Variants in IP6K3 observed in about 807,000 individuals in gnomAD.
IP6K3 encodes the protein ATP:1D-myo-inositol-hexakisphosphate phosphotransferase.
IP6K3 carries 20 observed loss-of-function variants against 28.8 expected under a neutral mutation model. The observed-to-expected ratio is 0.70, with a 90% CI of 0.49 to 1.01. IP6K3 has a LOEUF of 1.01. IP6K3 is among the 50% of genes least tolerant of loss of function. IP6K3 has a pLI of 0.00. For missense variants in IP6K3, 480 were observed against 537.1 expected (o/e 0.89, Z 1.05); for synonymous variants, 213 against 221.3 (o/e 0.96, Z 0.33).
intron 1 of IP6K3, among the ~76,000 whole-genome samples, chr6:33,738,568 C>T (rs1029285793): frequency 6.6e-6 from 1 of 152,148 alleles, no homozygotes; most frequent in African/African-American, 2.4e-5. Context: ...TGAGGCAATT[C>T]GTGTTACCAG....
At chr6:33,751,522 GGCCCCGGGAA>G (rs1767022812), upstream of IP6K3, among the ~76,000 whole-genome samples, 2 of 143,498 alleles carry the variant, frequency 1.4e-5, no homozygotes, top group Non-Finnish European at 3.1e-5. The surrounding 1 kb of genome is among the most constrained non-coding windows in gnomAD (Gnocchi z 4.3). Context: ...GTGTGTGTTT[GGCCCCGGGAA>G]TGGGAGGTGT....
At chr6:33,761,296 G>C in the IP6K3 span, among the ~76,000 whole-genome samples, 3 of 152,068 alleles carry the variant, frequency 2.0e-5, no homozygotes, top group Admixed American at 2.0e-4. Context: ...TGCCCTCTCT[G>C]CTGAGCCTTC....
At position 33,726,732 on chromosome 6, in the gene IP6K3, A is replaced by G. The variant is rs1766127108; in HGVS notation, c.588T>C (p.His196=). 3 of 1,580,902 alleles carry G rather than the reference A, an allele frequency of 1.9e-6. No individual in the cohort carries two copies. The East Asian group carries it at 6.8e-5, about 36-fold the overall frequency. ...LCSEYPENKR[H]RFLLLENVVS... is the part of the protein sequence containing the mutation. ...ATGTGAGGGGGATGGCAAGGATACG[A>G]TGCCGCTTGTTCTCTGGGTACTCGG... Residue 196 remains histidine, a splice_region_variant and synonymous_variant, in exon 4 of 6, where the codon CAT becomes CAC. Transcript: ENST00000293756.
intron 2 of IP6K3, among the ~76,000 whole-genome samples, chr6:33,734,507 C>T (rs1346099077): frequency 6.6e-6 from 1 of 152,228 alleles, no homozygotes; most frequent in Non-Finnish European, 1.5e-5. Context: ...ATGGGGTCTA[C>T]CGTCCTCTAA....
chr6:33,756,909 G>A, the IP6K3 span, among the ~76,000 whole-genome samples: 21 of 152,330 alleles, frequency 1.4e-4, no homozygotes, highest in African/African-American at 5.1e-4. Flanking sequence ...CACCTGCGGG[G>A]CACTTGTAGG....
At chr6:33,754,810 G>A in the IP6K3 span, among the ~76,000 whole-genome samples, 1 of 152,220 alleles carries the variant, frequency 6.6e-6, no homozygotes, top group Non-Finnish European at 1.5e-5. Context: ...CACAACGTCT[G>A]TAACGACAAC....
chr6:33,725,015 G>A (rs968351430), intron 5 of IP6K3, among the ~76,000 whole-genome samples: 3 of 152,172 alleles, frequency 2.0e-5, no homozygotes, highest in Admixed American at 6.5e-5. Context: ...GCCAAGGCGG[G>A]CAGATCACGA....
chr6:33,724,912 T>G (rs1437160322), intron 5 of IP6K3, among the ~76,000 whole-genome samples: 3 of 152,048 alleles, frequency 2.0e-5, no homozygotes, highest in African/African-American at 4.8e-5. Flanking sequence ...AATGTGATGG[T>G]TTTTGACATC....
Position 33,722,995 on chromosome 6 carries a change from G to T in IP6K3, c.958C>A (p.Arg320Ser), listed in dbSNP as rs769521530. Reference protein sequence around the residue: ...LSVIRSQSSYRFYSSSLLVIY... With the variant: ...LSVIRSQSSYSFYSSSLLVIY... The stretch of plus-strand genomic sequence containing the variant: ...ACAAGGAGAGAGCTGGAATAGAAGC[G>T]GTATGAACTCTGGCTCCTAATGACA... Residue 320 changes from arginine (R) to serine (S), a missense_variant, in exon 6 of 6, where the codon CGC (arginine) becomes AGC (serine). Transcript: ENST00000293756. 1 of 1,613,932 alleles carries T rather than the reference G, an allele frequency of 6.2e-7. No homozygotes were observed.
At chr6:33,723,323 G>T in intron 5 of IP6K3, 136 bp from the exon 6 acceptor site, 1 of 613,762 alleles carries the variant, frequency 1.6e-6, no homozygotes, top group South Asian at 2.1e-5. Context: ...TGACTGAAAT[G>T]AGCAGAAGAT....
At chr6:33,733,878 C>T (rs1766409081) in intron 2 of IP6K3, among the ~76,000 whole-genome samples, 1 of 152,202 alleles carries the variant, frequency 6.6e-6, no homozygotes, top group African/African-American at 2.4e-5. Flanking sequence ...GCCCTGGTCC[C>T]CCTACCGGCA....
chr6:33,753,318 G>A, the IP6K3 span, among the ~76,000 whole-genome samples: 8 of 152,274 alleles, frequency 5.3e-5, no homozygotes, highest in Non-Finnish European at 8.8e-5. Flanking sequence ...TGGTTATGTC[G>A]TGGCTCAGAA....
Position 33,744,543 on chromosome 6 carries a change from A to G in IP6K3, c.-180+2215T>C, listed in dbSNP as rs1766838999. Among the ~76,000 whole-genome samples the G allele has an allele frequency of 6.6e-6, 1 of 152,050 alleles. No individual in the cohort carries two copies. The highest frequency in any genetic ancestry group is 2.4e-5 in the African/African-American group (1 of 41,374). ...GTGTGTGGGAGTGTGTGGCTGAGGG[A>G]GAATGCAGGCAAGGTTTTTCCCCAC... On this transcript the variant is annotated intron_variant, in intron 1 of 5. Transcript: ENST00000293756. The surrounding 1 kb of genome is among the most constrained non-coding windows in gnomAD (Gnocchi z 4.4).
At chr6:33,727,918 A>C in intron 3 of IP6K3, 169 bp downstream of exon 3, 2 of 985,376 alleles carry the variant, frequency 2.0e-6, no homozygotes, top group Non-Finnish European at 2.4e-6. Context: ...CATAAAGAAA[A>C]TCCATTCCTT....
chr6:33,745,267 AAAG>A (rs1165822831), intron 1 of IP6K3, among the ~76,000 whole-genome samples: 1 of 152,040 alleles, frequency 6.6e-6, no homozygotes, highest in Non-Finnish European at 1.5e-5. Context: ...AGGGCAGGAG[AAAG>A]AAGGAGATGC....
In IP6K3 at chr6:33,722,662, C is replaced by A; in HGVS notation, c.*58G>T. 8.1e-7 allele frequency: 1 copy of A among 1,240,352 alleles called. No homozygotes were observed. The allele number at this position is 1,240,352 out of a possible 1,614,324, so 76.8% of individuals were successfully genotyped here. ...GGGGTGTCTGGACTACCCTAGCAAC[C>A]AACAGGTCTCTATTTGAGATCTATA... On this transcript the variant is annotated 3_prime_UTR_variant, in exon 6 of 6. Transcript: ENST00000293756.
At chr6:33,728,829 G>A (rs1766219058) in intron 2 of IP6K3, among the ~76,000 whole-genome samples, 1 of 152,122 alleles carries the variant, frequency 6.6e-6, no homozygotes, top group African/African-American at 2.4e-5. Flanking sequence ...GCTTCTTCCA[G>A]GAAGGCTTCC....
Position 33,732,877 on chromosome 6 carries a change from A to G in IP6K3, c.199+2401T>C, listed in dbSNP as rs114391407. On this transcript the variant is annotated intron_variant, in intron 2 of 5. Transcript: ENST00000293756. ...CTCTTCCCATCTACGAGCAGACCTC[A>G]GCCACCTGTCCTCCTTCCCCTACCC... 3.3e-3 allele frequency among the ~76,000 whole-genome samples: 510 copies of G among 152,318 alleles called. 4 individuals carry two copies. The highest frequency in any genetic ancestry group is 0.014 in the Middle Eastern group (4 of 294).
chr6:33,722,228 G>A lies in IP6K3; in HGVS notation c.*492C>T, dbSNP rs76176119. On this transcript the variant is annotated 3_prime_UTR_variant, in exon 6 of 6. Transcript: ENST00000293756. Reference sequence around the variant, plus strand: ...TTCATCCTGTGTCACCTAAAACTCCGCTTAGGAAGATAAGAGGCATTCATG... The same window carrying A: ...TTCATCCTGTGTCACCTAAAACTCCACTTAGGAAGATAAGAGGCATTCATG... The A allele has an allele frequency of 6.3e-3, 973 of 155,660 alleles. 12 individuals carry two copies. The highest frequency in any genetic ancestry group is 0.034 in the South Asian group (173 of 5,102). 9.6% of individuals were successfully genotyped at this position (155,660 alleles called of 1,614,324 possible). A position where few individuals can be genotyped will look rare whatever the true frequency, so the allele number is the denominator to read the frequency against.
Sources: allele counts gnomAD v4.1 joint callset (sites outside exome capture counted in the v4.1 genomes callset), GRCh38; gene constraint gnomAD v4.1.1; non-coding constraint Gnocchi (gnomAD v3.1); transcripts MANE v1.5; gene names NCBI Gene and HGNC (gene_info 2026-07-23, HGNC 2026-07-21).